Variants in ACVR2B observed in about 807,000 individuals in gnomAD.
ACVR2B encodes the protein activin receptor type-2B.
A neutral mutation model predicts 65.1 loss-of-function variants in ACVR2B; 18 were observed. That is an observed-to-expected ratio of 0.28 (90% CI 0.19 to 0.41). The LOEUF is 0.41. Ranked by LOEUF, ACVR2B falls within the 10% of genes least tolerant of loss-of-function variation. The probability of loss-of-function intolerance (pLI) is 1.00; values close to 1 mark genes in which losing one functional copy is unlikely to be tolerated. For synonymous variants in ACVR2B, 298 were observed against 277.7 expected, an observed-to-expected ratio of 1.07 and a Z score of -0.73; for missense variants, 482 against 682.7, an observed-to-expected ratio of 0.71 and a Z score of 3.28.
downstream of ACVR2B, chr3:38,493,142 ATCTTG>A (rs1303337449): frequency 6.5e-6 from 1 of 152,770 alleles, no homozygotes; most frequent in East Asian, 1.9e-4. Flanking sequence ...TAATAAAACA[ATCTTG>A]TCTTTCTTAA....
intron 1 of ACVR2B, among the ~76,000 whole-genome samples, chr3:38,465,671 C>T (rs185453308): frequency 3.9e-5 from 6 of 151,992 alleles, no homozygotes; most frequent in East Asian, 3.9e-4. Context: ...TAAAGAGAAA[C>T]GCATAGAGGA....
chr3:38,460,052 C>T (rs1709617059), intron 1 of ACVR2B, among the ~76,000 whole-genome samples: 1 of 152,286 alleles, frequency 6.6e-6, no homozygotes, highest in South Asian at 2.1e-4. Flanking sequence ...AAGCATTTTT[C>T]AAAGACCCAG....
Position 38,488,087 on chromosome 3 carries a change from A to G in ACVR2B, c.*4755A>G, listed in dbSNP as rs1450683323. ...TCTTTTTCTCCTTCTCACTGGGGTG[A>G]CATGAATTCTTTTAGTTAATGGCTG... On this transcript the variant is annotated 3_prime_UTR_variant, in exon 11 of 11. Coordinates refer to ENST00000352511, the MANE Select transcript of ACVR2B (RefSeq NM_001106.4). The G allele has an allele frequency of 6.6e-6, 1 of 152,220 alleles. No individual in the cohort carries two copies. Among genetic ancestry groups the G allele is most frequent in the Non-Finnish European group, 1.5e-5 (1 of 68,048 alleles). The allele number at this position is 152,220 out of a possible 1,614,324, so 9.4% of individuals were successfully genotyped here. A position where few individuals can be genotyped will look rare whatever the true frequency, so the allele number is the denominator to read the frequency against.
chr3:38,468,272 A>G (rs1362485708), intron 1 of ACVR2B, among the ~76,000 whole-genome samples: 1 of 152,158 alleles, frequency 6.6e-6, no homozygotes, highest in East Asian at 1.9e-4. Flanking sequence ...ATCTAGGGTG[A>G]TCTGATTGGG....
chr3:38,465,588 G>A (rs1246380129), intron 1 of ACVR2B, among the ~76,000 whole-genome samples: 2 of 152,134 alleles, frequency 1.3e-5, no homozygotes, highest in Non-Finnish European at 2.9e-5. Context: ...TAGAGCATTA[G>A]TGAATTGGAT....
rs984991858 is a variant in ACVR2B, at chr3:38,491,955, C to T, written c.*8623C>T. ...CTGGACATGATCTTAATGGTAGTGT[C>T]AAAGGCCAAGTTTTTCACCTGTTAA... On this transcript the variant is annotated 3_prime_UTR_variant, in exon 11 of 11. Coordinates refer to ENST00000352511, the MANE Select transcript of ACVR2B (RefSeq NM_001106.4). 1 of 152,198 alleles carries T rather than the reference C, an allele frequency of 6.6e-6. No homozygotes were observed. Among genetic ancestry groups the T allele is most frequent in the Non-Finnish European group, 1.5e-5 (1 of 68,028 alleles). The allele number at this position is 152,198 out of a possible 1,614,324, so 9.4% of individuals were successfully genotyped here.
rs1160701485 is a variant in ACVR2B at position 38,491,575 on chromosome 3, C to G, written c.*8243C>G. ...GAAAAATGCAGTCACCCAAATTTTA[C>G]CAACAATGACAGAGATGAGAGTAGA... On this transcript the variant is annotated 3_prime_UTR_variant, in exon 11 of 11. Coordinates refer to ENST00000352511, the MANE Select transcript of ACVR2B (RefSeq NM_001106.4). 1 of 152,400 alleles carries G rather than the reference C, an allele frequency of 6.6e-6. No individual in the cohort carries two copies. The highest frequency in any genetic ancestry group is 1.5e-5 in the Non-Finnish European group (1 of 68,052). 9.4% of individuals were successfully genotyped at this position (152,400 alleles called of 1,614,324 possible).
At chr3:38,472,116 C>A (rs1054687988) in intron 1 of ACVR2B, among the ~76,000 whole-genome samples, 2 of 152,180 alleles carry the variant, frequency 1.3e-5, no homozygotes, top group Non-Finnish European at 2.9e-5. Context: ...ATCTGTTATA[C>A]ACTCCAGCCT....
chr3:38,488,575 A>G lies in ACVR2B; in HGVS notation c.*5243A>G, dbSNP rs1710161024. On this transcript the variant is annotated 3_prime_UTR_variant, in exon 11 of 11. Transcript: ENST00000352511. ...CACTGTAAACTTTGGTTCAAAAAAG[A>G]ATTTGAATTTAAAGAATTTACCATT... The G allele has an allele frequency of 6.6e-6, 1 of 152,184 alleles. No individual in the cohort carries two copies. Among genetic ancestry groups the G allele is most frequent in the South Asian group, 2.1e-4 (1 of 4,824 alleles). The allele number at this position is 152,184 out of a possible 1,614,324, so 9.4% of individuals were successfully genotyped here. A position where few individuals can be genotyped will look rare whatever the true frequency, so the allele number is the denominator to read the frequency against.
At chr3:38,465,573 CTG>C (rs1355198681) in intron 1 of ACVR2B, among the ~76,000 whole-genome samples, 1 of 151,914 alleles carries the variant, frequency 6.6e-6, no homozygotes, top group Non-Finnish European at 1.5e-5. Flanking sequence ...TTAGGTGAAA[CTG>C]TATAGAGCAT....
At chr3:38,454,525 C>CGTGGGCTGGGG in intron 1 of ACVR2B, 151 bp downstream of exon 1, 1 of 634,846 alleles carries the variant, frequency 1.6e-6, no homozygotes, top group Non-Finnish European at 2.2e-6. Flanking sequence ...GGGCTGGGGG[C>CGTGGGCTGGGG]GCGGTGGGCG....
In ACVR2B at chr3:38,489,962, G is replaced by C. The variant is rs918292932; in HGVS notation, c.*6630G>C. 3 of 152,152 alleles carry C rather than the reference G, an allele frequency of 2.0e-5. No individual in the cohort carries two copies. The highest frequency in any genetic ancestry group is 4.4e-5 in the Non-Finnish European group (3 of 68,044). The allele number at this position is 152,152 out of a possible 1,614,324, so 9.4% of individuals were successfully genotyped here. On this transcript the variant is annotated 3_prime_UTR_variant, in exon 11 of 11. Transcript: ENST00000352511. ...CCTCTCTGGTCAGTGAGAATGGTTG[G>C]GTTGGCTCGCTGCTTCAATCTGTGG...
chr3:38,477,197 CAG>C lies in ACVR2B; in HGVS notation c.53-89_53-88del. On this transcript the variant is annotated intron_variant, in intron 1 of 10. Transcript: ENST00000352511. This position sits in a 1 kb window ranked among gnomAD's most constrained non-coding sequence, Gnocchi z 6.7. The stretch of plus-strand genomic sequence containing the variant: ...AACCCACCACCCGGCCTCCCTCCCT[CAG>C]GGTGGCCTGGCACCCAGGACTGGGA... The C allele has an allele frequency of 1.3e-6, 2 of 1,501,722 alleles. No homozygotes were observed. The highest frequency in any genetic ancestry group is 1.4e-5 in the African/African-American group (1 of 72,552). 93.0% of individuals were successfully genotyped at this position (1,501,722 alleles called of 1,614,324 possible).
At position 38,477,090 on chromosome 3, in the gene ACVR2B, C is replaced by G; in HGVS notation, c.53-197C>G. 1 of 623,836 alleles carries G rather than the reference C, an allele frequency of 1.6e-6. No individual in the cohort carries two copies. Among genetic ancestry groups the G allele is most frequent in the Non-Finnish European group, 2.8e-6 (1 of 354,292 alleles). 38.6% of individuals were successfully genotyped at this position (623,836 alleles called of 1,614,324 possible). A position where few individuals can be genotyped will look rare whatever the true frequency, so the allele number is the denominator to read the frequency against. Reference sequence around the variant, plus strand: ...CTGCAGAATGAGGTGGGGGCTGGTGCCAGCTGGCACACGTAAATTAAGAGG... The same window carrying G: ...CTGCAGAATGAGGTGGGGGCTGGTGGCAGCTGGCACACGTAAATTAAGAGG... On this transcript the variant is annotated intron_variant, in intron 1 of 10. Transcript: ENST00000352511. The surrounding 1 kb of genome is among the most constrained non-coding windows in gnomAD (Gnocchi z 6.7).
At chr3:38,470,736 A>G (rs1709804502) in intron 1 of ACVR2B, among the ~76,000 whole-genome samples, 1 of 152,342 alleles carries the variant, frequency 6.6e-6, no homozygotes, top group Non-Finnish European at 1.5e-5. Flanking sequence ...AGAGTTTAAA[A>G]TATTTAAGTT....
chr3:38,456,988 C>CCT (rs1709561070), intron 1 of ACVR2B, among the ~76,000 whole-genome samples: 2 of 152,136 alleles, frequency 1.3e-5, no homozygotes, highest in African/African-American at 4.8e-5. Context: ...GGGAGGATCA[C>CCT]GAGGTCAAGA....
chr3:38,466,507 C>CTTT lies in ACVR2B; in HGVS notation c.53-10768_53-10766dup, dbSNP rs71085326. 4.5e-3 allele frequency among the ~76,000 whole-genome samples: 644 copies of CTTT among 143,832 alleles called. 12 individuals are homozygous for CTTT. The highest frequency in any genetic ancestry group is 0.011 in the African/African-American group (443 of 38,882). 94.4% of individuals were successfully genotyped at this position (143,832 alleles called of 152,430 possible). A position where few individuals can be genotyped will look rare whatever the true frequency, so the allele number is the denominator to read the frequency against. Reference sequence around the variant, plus strand: ...CGTGTCAATTTTTAAACCAAAACTTCTTTTTTTTTTTTTTGAGATGGAGTC... The same window carrying CTTT: ...CGTGTCAATTTTTAAACCAAAACTTCTTTTTTTTTTTTTTTTTGAGATGGAGTC... On this transcript the variant is annotated intron_variant, in intron 1 of 10. Coordinates refer to ENST00000352511, the MANE Select transcript of ACVR2B (RefSeq NM_001106.4).
At chr3:38,478,688 A>C (rs1709959195) in intron 5 of ACVR2B, among the ~76,000 whole-genome samples, 170 bp downstream of exon 5, 1 of 152,216 alleles carries the variant, frequency 6.6e-6, no homozygotes, top group Non-Finnish European at 1.5e-5. Flanking sequence ...TGTAGATTTC[A>C]TGCAACTATG....
Position 38,477,200 on chromosome 3 carries a change from G to C in ACVR2B, c.53-87G>C. ...CCACCACCCGGCCTCCCTCCCTCAG[G>C]GTGGCCTGGCACCCAGGACTGGGAG... On this transcript the variant is annotated intron_variant, in intron 1 of 10. Coordinates refer to ENST00000352511, the MANE Select transcript of ACVR2B (RefSeq NM_001106.4). This position sits in a 1 kb window ranked among gnomAD's most constrained non-coding sequence, Gnocchi z 6.7. 1 of 1,523,808 alleles carries C rather than the reference G, an allele frequency of 6.6e-7. No homozygotes were observed. Among genetic ancestry groups the C allele is most frequent in the Non-Finnish European group, 9.0e-7 (1 of 1,112,896 alleles). The allele number at this position is 1,523,808 out of a possible 1,614,324, so 94.4% of individuals were successfully genotyped here.
Sources: allele counts gnomAD v4.1 joint callset (sites outside exome capture counted in the v4.1 genomes callset), GRCh38; gene constraint gnomAD v4.1.1; non-coding constraint Gnocchi (gnomAD v3.1); transcripts MANE v1.5; gene names NCBI Gene and HGNC (gene_info 2026-07-23, HGNC 2026-07-21).